Variants in DUS4L observed in about 807,000 individuals in gnomAD.
DUS4L encodes dihydrouridine synthase 4 like, also known as tRNA-dihydrouridine(20a/20b) synthase [NAD(P)+]-like.
DUS4L carries 31 observed loss-of-function variants against 33.8 expected under a neutral mutation model. That is an observed-to-expected ratio of 0.92 (90% CI 0.69 to 1.24). DUS4L has a LOEUF of 1.24. DUS4L is among the 50% of genes most tolerant of loss of function. The pLI is 0.00. For synonymous variants in DUS4L, 103 were observed against 120.3 expected (o/e 0.86, Z 0.94); for missense variants, 368 against 388.6 (o/e 0.95, Z 0.45).
At chr7:107,566,360 A>G (rs1240398607) in intron 2 of DUS4L, among the ~76,000 whole-genome samples, 5 of 152,214 alleles carry the variant, frequency 3.3e-5, no homozygotes, top group African/African-American at 1.2e-4. Context: ...ACACTGTGAA[A>G]TAGTAGGATT....
At chr7:107,566,994 T>C in intron 2 of DUS4L, 56 bp from the exon 3 acceptor site, 2 of 1,211,754 alleles carry the variant, frequency 1.7e-6, no homozygotes, top group South Asian at 1.7e-5. Context: ...ATTGTTAGAA[T>C]GGAATTAATA....
chr7:107,573,950 C>A, intron 5 of DUS4L, 129 bp downstream of exon 5: 1 of 1,234,686 alleles, frequency 8.1e-7, no homozygotes, highest in Non-Finnish European at 1.0e-6. Flanking sequence ...GGGCTCAAAA[C>A]AAGAAGGAAG....
At position 107,571,139 on chromosome 7, in the gene DUS4L, T is replaced by C. The variant is rs1161580542; in HGVS notation, c.117-6T>C. 29 of 1,613,476 alleles carry C rather than the reference T, an allele frequency of 1.8e-5. No individual in the cohort carries two copies. The highest frequency in any genetic ancestry group is 2.3e-5 in the Non-Finnish European group (27 of 1,179,882). ...AATGCATAATTAAGGTTTTATATGC[T>C]CACAGGTTGGCTTTTAGGACACTAG... On this transcript the variant is annotated splice_polypyrimidine_tract_variant and splice_region_variant and intron_variant, in intron 3 of 7. Transcript: ENST00000265720.
chr7:107,571,949 C>A (rs1266673484), intron 4 of DUS4L, among the ~76,000 whole-genome samples: 1 of 152,028 alleles, frequency 6.6e-6, no homozygotes, highest in Non-Finnish European at 1.5e-5. Flanking sequence ...CACACCAGAC[C>A]CCCTCTCTCT....
intron 2 of DUS4L, among the ~76,000 whole-genome samples, chr7:107,566,420 C>T (rs1017329599): frequency 2.0e-5 from 3 of 152,116 alleles, no homozygotes; most frequent in African/African-American, 7.2e-5. Context: ...TTTCATCACT[C>T]GTACCTGTAC....
chr7:107,577,547 A>G lies in DUS4L; in HGVS notation c.941A>G (p.His314Arg). The G allele has an allele frequency of 6.2e-7, 1 of 1,613,068 alleles. No homozygotes were observed. Among genetic ancestry groups the G allele is most frequent in the Non-Finnish European group, 8.5e-7 (1 of 1,179,492 alleles). ...TSAIIDYLTD[H>R]YGI The stretch of plus-strand genomic sequence containing the variant: ...GCAATCATAGATTACCTTACAGACC[A>G]TTATGGCATTTGACTAGACTTCCCA... Residue 314 changes from histidine (H) to arginine (R), a missense_variant, in exon 8 of 8, where the codon CAT becomes CGT. Physicochemically the swap from His to Arg is conservative, Grantham distance 29. Coordinates refer to ENST00000265720, the MANE Select transcript of DUS4L (RefSeq NM_181581.3).
intron 7 of DUS4L, 31 bp downstream of exon 7, chr7:107,576,623 TG>T (rs3839819): frequency 0.77 from 1,154,256 of 1,496,562 alleles, 447,776 homozygotes; most frequent in African/African-American, 0.9. Context: ...TTCTTTTAAT[TG>T]GGGGGGGAAG....
In DUS4L at chr7:107,573,803, A is replaced by G. The variant is rs759362842; in HGVS notation, c.338A>G (p.Asn113Ser). The G allele has an allele frequency of 1.3e-6, 2 of 1,562,944 alleles. No individual in the cohort carries two copies. The highest frequency in any genetic ancestry group is 1.4e-5 in the African/African-American group (1 of 72,898). The change falls in exon 5 of 8, where the codon AAC becomes AGC. Residue 113 changes from asparagine (N) to serine (S), a missense_variant. Physicochemically the swap from Asn to Ser is conservative, Grantham distance 46 (BLOSUM62 1). Transcript: ENST00000265720. ...VCPYANGIDI[N>S]CGCPQRWAMA... Reference sequence around the variant, plus strand: ...CCTTATGCGAATGGAATAGACATTAACTGTGGTTGCCCTCAGAGGTAAAGC... The same window carrying G: ...CCTTATGCGAATGGAATAGACATTAGCTGTGGTTGCCCTCAGAGGTAAAGC...
At chr7:107,568,564 A>G (rs1363244190) in intron 3 of DUS4L, among the ~76,000 whole-genome samples, 1 of 152,132 alleles carries the variant, frequency 6.6e-6, no homozygotes, top group African/African-American at 2.4e-5. Flanking sequence ...TACTCTAGAT[A>G]TATATTCTGC....
Position 107,564,633 on chromosome 7 carries a change from G to A in DUS4L, c.-65G>A, listed in dbSNP as rs1441893058. On this transcript the variant is annotated 5_prime_UTR_variant, in exon 2 of 8. It removes an upstream start codon present in the reference 5' UTR. Transcript: ENST00000265720. ...TTTTCTTAATTACAAACTGATAGAT[G>A]GTCCACATCTCAACTAACAGTATTG... The A allele has an allele frequency of 6.6e-6, 1 of 152,344 alleles. No homozygotes were observed. The highest frequency in any genetic ancestry group is 2.4e-5 in the African/African-American group (1 of 41,398). 9.4% of individuals were successfully genotyped at this position (152,344 alleles called of 1,614,324 possible). A position where few individuals can be genotyped will look rare whatever the true frequency, so the allele number is the denominator to read the frequency against.
intron 4 of DUS4L, among the ~76,000 whole-genome samples, chr7:107,572,929 A>T (rs1449623853): frequency 6.6e-6 from 1 of 152,152 alleles, no homozygotes; most frequent in Non-Finnish European, 1.5e-5. Flanking sequence ...ATAACACATG[A>T]TAGATAGCAA....
At chr7:107,576,687 A>G in intron 7 of DUS4L, 95 bp downstream of exon 7, 1 of 1,185,026 alleles carries the variant, frequency 8.4e-7, no homozygotes, top group Non-Finnish European at 1.2e-6. Flanking sequence ...TTTGTTTAAC[A>G]TTAAGCCATA....
At position 107,575,301 on chromosome 7, in the gene DUS4L, TTAAAA is replaced by T. The variant is rs781588487; in HGVS notation, c.474_478del (p.Ile159AspfsTer3). On this transcript the variant is annotated frameshift_variant, in exon 6 of 8. Coordinates refer to ENST00000265720, the MANE Select transcript of DUS4L (RefSeq NM_181581.3). LOFTEE classifies it high-confidence loss of function. Reference sequence around the variant, plus strand: ...GAAACCCCTGGATTTTCAGTTTCTATTAAAATAAGGTAAAGACAATATTTCAATCT... The same window carrying T: ...GAAACCCCTGGATTTTCAGTTTCTATTAAGGTAAAGACAATATTTCAATCT... 4.3e-6 allele frequency: 7 copies of T among 1,610,704 alleles called. No homozygotes were observed. The African/African-American group carries it at 8.0e-5, about 18-fold the overall frequency.
intron 2 of DUS4L, among the ~76,000 whole-genome samples, chr7:107,565,010 C>T (rs1444706252): frequency 6.6e-6 from 1 of 152,164 alleles, no homozygotes; most frequent in African/African-American, 2.4e-5. Flanking sequence ...GTAAGCAAGT[C>T]TTATGCTACA....
intron 6 of DUS4L, 102 bp downstream of exon 6, chr7:107,575,412 A>T (rs562372720): frequency 1.2e-4 from 150 of 1,297,900 alleles, no homozygotes; most frequent in Non-Finnish European, 1.5e-4. Context: ...ATCCTAAATA[A>T]ATTGGTAGCT....
chr7:107,575,010 C>G, intron 5 of DUS4L, 178 bp from the exon 6 acceptor site: 1 of 749,246 alleles, frequency 1.3e-6, no homozygotes, highest in Non-Finnish European at 2.1e-6. Flanking sequence ...GATCTGGGAA[C>G]ATGTTTTCCT....
chr7:107,576,227 C>T, intron 6 of DUS4L, 139 bp from the exon 7 acceptor site: 1 of 827,760 alleles, frequency 1.2e-6, no homozygotes, highest in Non-Finnish European at 1.8e-6. Context: ...TGAAGAAAAC[C>T]TTGCTGATAA....
chr7:107,578,258 T>TG lies in DUS4L; in HGVS notation c.*698_*699insG, dbSNP rs1310340663. 6.6e-6 allele frequency: 1 copy of TG among 152,218 alleles called. No individual in the cohort carries two copies. Among genetic ancestry groups the TG allele is most frequent in the Admixed American group, 6.5e-5 (1 of 15,282 alleles). The allele number at this position is 152,218 out of a possible 1,614,324, so 9.4% of individuals were successfully genotyped here. On this transcript the variant is annotated 3_prime_UTR_variant, in exon 8 of 8. Coordinates refer to ENST00000265720, the MANE Select transcript of DUS4L (RefSeq NM_181581.3). ...TTTCCTAGAGAATAGTAACCAGGTT[T>TG]TGTTTTTAACTTTAAAACCTAATTA...
chr7:107,574,977 A>T, intron 5 of DUS4L: 1 of 603,528 alleles, frequency 1.7e-6, no homozygotes, highest in South Asian at 1.9e-5. Context: ...GCCAATGAAA[A>T]CCATTTCTCC....
Sources: gnomAD v4.1 joint callset for allele counts (sites outside exome capture counted in the v4.1 genomes callset) on GRCh38, gnomAD v4.1.1 for gene constraint, MANE v1.5 for transcripts, NCBI Gene and HGNC (gene_info 2026-07-23, HGNC 2026-07-21) for gene names.